The following SGK3 variants were observed in gnomAD, a reference collection of about 807,000 sequenced individuals.
SGK3 encodes the protein serine/threonine-protein kinase Sgk3.
Under a neutral mutation model 68.5 loss-of-function variants are expected in SGK3, and 47 were observed. That is an observed-to-expected ratio of 0.69 (90% confidence interval 0.54 to 0.87). The LOEUF is 0.87. Among genes scored for constraint, SGK3 ranks in the 40% least tolerant of loss-of-function variants. The pLI is 0.00. For synonymous variants in SGK3, 181 were observed against 189.1 expected, an observed-to-expected ratio of 0.96 and a Z score of 0.35; for missense variants, 479 against 575.5, an observed-to-expected ratio of 0.83 and a Z score of 1.72.
chr8:66,840,195 C>G lies in SGK3; in HGVS notation c.855-16C>G. ...TTTGTATTCAGTTTTGCGTTTCTTT[C>G]CTTTTAATTTGATAGAGACTTGAAA... On this transcript the variant is annotated splice_polypyrimidine_tract_variant and intron_variant, in intron 11 of 16. Coordinates refer to ENST00000521198, the MANE Select transcript of SGK3 (RefSeq NM_001033578.3). 6.3e-7 allele frequency: 1 copy of G among 1,593,852 alleles called. No individual in the cohort carries two copies. Among genetic ancestry groups the G allele is most frequent in the Non-Finnish European group, 8.5e-7 (1 of 1,171,148 alleles).
intron 1 of SGK3, among the ~76,000 whole-genome samples, chr8:66,757,927 G>GTGTA: frequency 7.4e-6 from 1 of 134,262 alleles, no homozygotes; most frequent in African/African-American, 2.8e-5. Flanking sequence ...AAAAAAAAGT[G>GTGTA]TATATATATA....
Position 66,815,869 on chromosome 8 carries a change from T to C in SGK3, c.329+1941T>C, listed in dbSNP as rs73262306. ...TAAATTGCCAGTTTCCAAAATCTTA[T>C]ACTGTGAAATACACAGTTCTTGAGT... On this transcript the variant is annotated intron_variant, in intron 5 of 16. Transcript: ENST00000521198. Among the ~76,000 whole-genome samples, 907 of 152,344 alleles carry C rather than the reference T, an allele frequency of 6.0e-3. 6 individuals carry two copies. Among genetic ancestry groups the C allele is most frequent in the African/African-American group, 0.021 (877 of 41,566 alleles).
In SGK3 at chr8:66,745,599, A is replaced by AAAAC. The variant is rs1554593988; in HGVS notation, c.-122+32768_-122+32769insACAA. Among the ~76,000 whole-genome samples, 1,486 of 151,732 alleles carry AAAAC rather than the reference A, an allele frequency of 9.8e-3. 34 individuals are homozygous for AAAAC. Among genetic ancestry groups the AAAAC allele is most frequent in the African/African-American group, 0.032 (1,343 of 41,328 alleles). On this transcript the variant is annotated intron_variant, in intron 1 of 16. Coordinates refer to ENST00000521198, the MANE Select transcript of SGK3 (RefSeq NM_001033578.3). ...AAAACAAAAACAAAACAAAACAAAA[A>AAAAC]AACAACAAAAACTGAGTAAAAGTTT...
At chr8:66,815,035 A>G (rs1379918851) in intron 5 of SGK3, among the ~76,000 whole-genome samples, 1 of 152,214 alleles carries the variant, frequency 6.6e-6, no homozygotes, top group East Asian at 1.9e-4. Context: ...TGGTGTAAAT[A>G]TGACACACTT....
At chr8:66,792,106 G>A (rs1222576063) in intron 1 of SGK3, among the ~76,000 whole-genome samples, 1 of 152,096 alleles carries the variant, frequency 6.6e-6, no homozygotes, top group East Asian at 1.9e-4. Flanking sequence ...GAGGCAGGTG[G>A]ATCACCTAAG....
chr8:66,823,647 C>T (rs183069881), intron 6 of SGK3, among the ~76,000 whole-genome samples: 347 of 152,186 alleles, frequency 2.3e-3, no homozygotes, highest in Non-Finnish European at 3.3e-3. Flanking sequence ...CCTCCTGCCT[C>T]GGCCTCCCAA....
At chr8:66,778,532 A>C (rs1351295713) in intron 1 of SGK3, among the ~76,000 whole-genome samples, 1 of 152,176 alleles carries the variant, frequency 6.6e-6, no homozygotes, top group Non-Finnish European at 1.5e-5. Flanking sequence ...TCCTGACCTC[A>C]TGATCGCCCG....
chr8:66,766,934 C>T (rs984637323), intron 1 of SGK3, among the ~76,000 whole-genome samples: 2 of 152,254 alleles, frequency 1.3e-5, no homozygotes, highest in Non-Finnish European at 2.9e-5. Flanking sequence ...CCACCGCAAT[C>T]TCTGCCTCCC....
intron 1 of SGK3, among the ~76,000 whole-genome samples, chr8:66,725,513 A>T (rs143538848): frequency 1.3e-5 from 2 of 151,868 alleles, no homozygotes; most frequent in Non-Finnish European, 2.9e-5. Context: ...CCCTGTGAAT[A>T]TGTAACCCAT....
At chr8:66,839,838 G>C in intron 10 of SGK3, 165 bp from the exon 11 acceptor site, 1 of 604,212 alleles carries the variant, frequency 1.7e-6, no homozygotes. Context: ...TGGGGACATG[G>C]ATGAAGGGGA....
chr8:66,831,174 A>G (rs914955230), intron 7 of SGK3, 80 bp from the exon 8 acceptor site: 2 of 1,519,860 alleles, frequency 1.3e-6, no homozygotes, highest in African/African-American at 1.4e-5. Context: ...TATTTTTTAA[A>G]GAGGGAGGTG....
chr8:66,738,908 G>T (rs530998665), intron 1 of SGK3, among the ~76,000 whole-genome samples: 1 of 152,262 alleles, frequency 6.6e-6, no homozygotes, highest in Non-Finnish European at 1.5e-5. Flanking sequence ...GGGATTACAG[G>T]CGTGAGTCAC....
At chr8:66,723,090 C>CCT (rs1491367057) in intron 1 of SGK3, among the ~76,000 whole-genome samples, 2 of 21,276 alleles carry the variant, frequency 9.4e-5, no homozygotes, top group Non-Finnish European at 1.5e-4. Context: ...AGATTTTGTT[C>CCT]ATATATATAT....
At chr8:66,793,881 T>C (rs769990612) in intron 2 of SGK3, 49 bp downstream of exon 2, 1 of 1,574,440 alleles carries the variant, frequency 6.4e-7, no homozygotes, top group Non-Finnish European at 8.6e-7. Context: ...ATGTAGAGAA[T>C]ATTTTCATTT....
At chr8:66,842,223 CTT>C (rs1237528455) in intron 13 of SGK3, among the ~76,000 whole-genome samples, 21 of 137,690 alleles carry the variant, frequency 1.5e-4, no homozygotes, top group Non-Finnish European at 2.2e-4. Flanking sequence ...TTTTCTTTTC[CTT>C]TTTTTTTTTT....
At chr8:66,792,406 C>T (rs1807500703) in intron 1 of SGK3, among the ~76,000 whole-genome samples, 1 of 151,314 alleles carries the variant, frequency 6.6e-6, no homozygotes, top group African/African-American at 2.4e-5. Flanking sequence ...TTTGAATCAT[C>T]TCAAAGGAAG....
chr8:66,817,677 T>G (rs1003926448), intron 5 of SGK3, among the ~76,000 whole-genome samples: 2 of 152,164 alleles, frequency 1.3e-5, no homozygotes, highest in African/African-American at 4.8e-5. Context: ...TAAGATTACT[T>G]TATTAAAAAC....
chr8:66,791,435 T>C (rs1017234709), intron 1 of SGK3, among the ~76,000 whole-genome samples: 7 of 152,090 alleles, frequency 4.6e-5, no homozygotes, highest in African/African-American at 1.7e-4. Flanking sequence ...CAGGTTTGAG[T>C]GTGCTTCTTG....
rs11347366 is a variant in SGK3 at position 66,825,329 on chromosome 8, CTT to C, written c.417+2888_417+2889del. Among the ~76,000 whole-genome samples the C allele has an allele frequency of 7.2e-3, 889 of 122,992 alleles. 3 individuals carry two copies. The highest frequency in any genetic ancestry group is 0.011 in the Non-Finnish European group (661 of 59,730). The allele number at this position is 122,992 out of a possible 152,430, so 80.7% of individuals were successfully genotyped here. A position where few individuals can be genotyped will look rare whatever the true frequency, so the allele number is the denominator to read the frequency against. Reference sequence around the variant, plus strand: ...TATAATTGTAACTACTTATTAAGGACTTTTTTTTTTTTTTTTTTTGAGACAGT... The same window carrying C: ...TATAATTGTAACTACTTATTAAGGACTTTTTTTTTTTTTTTTTGAGACAGT... On this transcript the variant is annotated intron_variant, in intron 6 of 16. Coordinates refer to ENST00000521198, the MANE Select transcript of SGK3 (RefSeq NM_001033578.3).
Sources: allele counts gnomAD v4.1 joint callset (sites outside exome capture counted in the v4.1 genomes callset), GRCh38; gene constraint gnomAD v4.1.1; transcripts MANE v1.5; gene names NCBI Gene and HGNC (gene_info 2026-07-23, HGNC 2026-07-21).